SNAPC1: variants seen among roughly 807,000 people sequenced by gnomAD.
SNAPC1 encodes snRNA-activating protein complex subunit 1.
Under a neutral mutation model 50.1 loss-of-function variants are expected in SNAPC1, and 42 were observed. The observed-to-expected ratio is 0.84, with a 90% CI of 0.65 to 1.08. The LOEUF (loss-of-function observed/expected upper bound fraction) is 1.08. Among genes scored for constraint, SNAPC1 ranks in the 50% least tolerant of loss-of-function variants. SNAPC1 has a pLI of 0.00. For synonymous variants in SNAPC1, 164 were observed against 144.2 expected (o/e 1.14, Z -0.98); for missense variants, 477 against 427.3 (o/e 1.12, Z -1.02).
Position 61,768,656 on chromosome 14 carries a change from A to C in SNAPC1, c.450A>C (p.Lys150Asn). 1 of 1,606,382 alleles carries C rather than the reference A, an allele frequency of 6.2e-7. No homozygotes were observed. Among genetic ancestry groups the C allele is most frequent in the Non-Finnish European group, 8.5e-7 (1 of 1,173,562 alleles). ...CATAGCTGTCATATAGGATGAAGAA[A>C]AAAATTCACCGAGCTGAAGTTACAG... ...MPKLLSYRMK[K>N]KIHRAEVTEE... Residue 150 changes from lysine (K) to asparagine (N), a missense_variant, in exon 4 of 10, where the codon AAA becomes AAC. Coordinates refer to ENST00000216294, the MANE Select transcript of SNAPC1 (RefSeq NM_003082.4).
chr14:61,781,361 A>G (rs748594294), intron 7 of SNAPC1, among the ~76,000 whole-genome samples: 1 of 149,724 alleles, frequency 6.7e-6, no homozygotes, highest in Non-Finnish European at 1.5e-5. Context: ...AGGCAGGAGA[A>G]TGGCGTGAAC....
At chr14:61,764,925 C>A (rs761565473) in intron 1 of SNAPC1, among the ~76,000 whole-genome samples, 1 of 151,592 alleles carries the variant, frequency 6.6e-6, no homozygotes, top group African/African-American at 2.4e-5. Flanking sequence ...TAATAGAGCC[C>A]GTGTTTATGG....
intron 8 of SNAPC1, among the ~76,000 whole-genome samples, chr14:61,783,536 T>TTG (rs1443608958): frequency 2.8e-5 from 4 of 144,936 alleles, no homozygotes; most frequent in Admixed American, 1.4e-4. Context: ...TGGTTTTTTT[T>TTG]TTTTTTTTTT....
chr14:61,767,457 C>A, intron 3 of SNAPC1, 105 bp downstream of exon 3: 29 of 625,880 alleles, frequency 4.6e-5, no homozygotes, highest in Non-Finnish European at 6.7e-5. Flanking sequence ...TGATAGTGTT[C>A]AAGACTTTTA....
chr14:61,780,837 T>C (rs1015649878), intron 7 of SNAPC1, among the ~76,000 whole-genome samples: 4 of 152,132 alleles, frequency 2.6e-5, no homozygotes, highest in Admixed American at 2.0e-4. Context: ...CTGTAGTGTG[T>C]CTGTGGTTTC....
chr14:61,778,663 A>G (rs1263018688), intron 6 of SNAPC1, among the ~76,000 whole-genome samples, 185 bp from the exon 7 acceptor site: 2 of 152,214 alleles, frequency 1.3e-5, no homozygotes, highest in African/African-American at 2.4e-5. Flanking sequence ...GGCACCTGCT[A>G]CATCTGTGAG....
chr14:61,785,419 AAG>A (rs771590109), intron 8 of SNAPC1, among the ~76,000 whole-genome samples: 3 of 152,158 alleles, frequency 2.0e-5, no homozygotes, highest in African/African-American at 7.2e-5. Context: ...TCAAAAAAAA[AAG>A]AGAGAGACAC....
chr14:61,764,475 ATTTATAGCTTTATTTATT>A (rs2044932496), intron 1 of SNAPC1, among the ~76,000 whole-genome samples: 1 of 152,120 alleles, frequency 6.6e-6, no homozygotes, highest in African/African-American at 2.4e-5. Flanking sequence ...CATGCCATTT[ATTTATAGCTTTATTTATT>A]GCATAAGACA....
chr14:61,762,826 C>A (rs565578697), intron 1 of SNAPC1, among the ~76,000 whole-genome samples: 2 of 151,898 alleles, frequency 1.3e-5, no homozygotes, highest in African/African-American at 4.8e-5. Context: ...GCCTGGCCTC[C>A]CTTCTAAACT....
intron 4 of SNAPC1, among the ~76,000 whole-genome samples, chr14:61,772,689 C>T (rs918731565): frequency 1.3e-5 from 2 of 152,166 alleles, no homozygotes; most frequent in Admixed American, 1.3e-4. Context: ...CATGGTTGTC[C>T]GGTTTTAATT....
At chr14:61,770,280 T>A (rs951730948) in intron 4 of SNAPC1, among the ~76,000 whole-genome samples, 6 of 151,280 alleles carry the variant, frequency 4.0e-5, no homozygotes, top group African/African-American at 1.5e-4. Flanking sequence ...TCTTCCTCTG[T>A]CACCCAGGCT....
chr14:61,767,562 C>T (rs138930265), intron 3 of SNAPC1, among the ~76,000 whole-genome samples: 597 of 151,032 alleles, frequency 4.0e-3, no homozygotes, highest in Non-Finnish European at 5.8e-3. Context: ...CTCCCGGGTT[C>T]GAGGGATTTT....
At chr14:61,766,356 AC>A (rs2044948656) in intron 1 of SNAPC1, among the ~76,000 whole-genome samples, 1 of 152,216 alleles carries the variant, frequency 6.6e-6, no homozygotes, top group South Asian at 2.1e-4. Flanking sequence ...GCCAATAGAA[AC>A]CGGACACAGC....
Position 61,789,355 on chromosome 14 carries a change from T to C in SNAPC1, c.977-3452T>C, listed in dbSNP as rs899159760. Among the ~76,000 whole-genome samples the C allele has an allele frequency of 3.9e-5, 6 of 151,986 alleles. No homozygotes were observed. The East Asian group carries it at 5.8e-4, about 15-fold the overall frequency. ...AGTGAAAAGGCTTTTTAAAAAAGTA[T>C]GATCTCGTTTCTATTAATAAAAAAA... On this transcript the variant is annotated intron_variant, in intron 8 of 9. Transcript: ENST00000216294.
At chr14:61,784,210 A>G (rs578138712) in intron 8 of SNAPC1, among the ~76,000 whole-genome samples, 15 of 152,336 alleles carry the variant, frequency 9.8e-5, no homozygotes, top group African/African-American at 3.6e-4. Context: ...TTCCTTTCAC[A>G]ATGCTAAAGG....
Position 61,792,728 on chromosome 14 carries a change from G to A in SNAPC1, c.977-79G>A, listed in dbSNP as rs2045161564. On this transcript the variant is annotated intron_variant, in intron 8 of 9. Coordinates refer to ENST00000216294, the MANE Select transcript of SNAPC1 (RefSeq NM_003082.4). ...TGTCTAATTTTTATGCTGTAATAAT[G>A]ACAGTTTTTGTAAAATGTTTTCTCA... The A allele has an allele frequency of 9.2e-6, 7 of 758,422 alleles. No homozygotes were observed. In the South Asian group the frequency reaches 1.5e-4, roughly 17 times the overall value. 47.0% of individuals were successfully genotyped at this position (758,422 alleles called of 1,614,324 possible).
chr14:61,794,972 A>G lies in SNAPC1; in HGVS notation c.1096A>G (p.Arg366Gly). 1 of 1,580,026 alleles carries G rather than the reference A, an allele frequency of 6.3e-7. No individual in the cohort carries two copies. Among genetic ancestry groups the G allele is most frequent in the Non-Finnish European group, 8.6e-7 (1 of 1,166,044 alleles). Residue 366 changes from arginine (R) to glycine (G), a missense_variant, in exon 10 of 10, where the codon AGA (arginine) becomes GGA (glycine). By Grantham distance (125) the Arg-to-Gly change is moderately radical (BLOSUM62 -2). Transcript: ENST00000216294. ...AGAGTTCACTGCATCCAAGAAGAGG[A>G]GAAAACACTGAACAAAGAGCCTGGT... Reference protein sequence around the residue: ...GTEFTASKKRRKH With the variant: ...GTEFTASKKRGKH
chr14:61,780,661 T>G (rs2140181337), intron 7 of SNAPC1, among the ~76,000 whole-genome samples: 1 of 152,344 alleles, frequency 6.6e-6, no homozygotes, highest in South Asian at 2.1e-4. Context: ...GTTTCTTTTG[T>G]TGTACAGAAG....
rs530314058 is a variant in SNAPC1, at chr14:61,787,462, T to C, written c.976+5065T>C. Among the ~76,000 whole-genome samples, 9 of 152,186 alleles carry C rather than the reference T, an allele frequency of 5.9e-5. No individual in the cohort carries two copies. In the South Asian group the frequency reaches 1.9e-3, roughly 32 times the overall value. On this transcript the variant is annotated intron_variant, in intron 8 of 9. Transcript: ENST00000216294. The stretch of plus-strand genomic sequence containing the variant: ...AAGGAGTTTAATTGAGCAGTGAACA[T>C]TTCCAGTATCGCACAGCCCCTAGAA...
Sources: allele counts gnomAD v4.1 joint callset (sites outside exome capture counted in the v4.1 genomes callset), GRCh38; gene constraint gnomAD v4.1.1; transcripts MANE v1.5; gene names NCBI Gene and HGNC (gene_info 2026-07-23, HGNC 2026-07-21).